Variants in CNTNAP2 observed in about 807,000 individuals in gnomAD.
The protein encoded by CNTNAP2 is contactin-associated protein-like 2.
A neutral mutation model predicts 155.2 loss-of-function variants in CNTNAP2; 98 were observed. That is an observed-to-expected ratio of 0.63 (90% CI 0.54 to 0.75). CNTNAP2 has a LOEUF of 0.75. Among genes scored for constraint, CNTNAP2 ranks in the 30% least tolerant of loss-of-function variants. CNTNAP2 has a pLI of 0.00. For synonymous variants in CNTNAP2, 651 were observed against 631.2 expected, an observed-to-expected ratio of 1.03 and a Z score of -0.47; for missense variants, 1,727 against 1,688.1, an observed-to-expected ratio of 1.02 and a Z score of -0.40.
chr7:148,085,125 A>G (rs1803698028), intron 15 of CNTNAP2, among the ~76,000 whole-genome samples: 1 of 152,228 alleles, frequency 6.6e-6, no homozygotes, highest in South Asian at 2.1e-4. Context: ...TACTAAATGT[A>G]ATATCTAAGT....
At chr7:146,844,264 T>C (rs1395966482) in intron 3 of CNTNAP2, among the ~76,000 whole-genome samples, 11 of 152,106 alleles carry the variant, frequency 7.2e-5, no homozygotes, top group Non-Finnish European at 2.9e-5. Context: ...TCTGAATATT[T>C]AATATTCAAA....
At chr7:147,941,476 A>C (rs1430893215) in intron 14 of CNTNAP2, among the ~76,000 whole-genome samples, 1 of 152,196 alleles carries the variant, frequency 6.6e-6, no homozygotes, top group Non-Finnish European at 1.5e-5. Flanking sequence ...GAGAGCACTC[A>C]CAAAAAAAGT....
intron 1 of CNTNAP2, among the ~76,000 whole-genome samples, chr7:146,249,588 T>A (rs1298457919): frequency 6.6e-6 from 1 of 152,188 alleles, no homozygotes; most frequent in Non-Finnish European, 1.5e-5. Flanking sequence ...TATCACTTAT[T>A]ATGTGCTGCT....
intron 3 of CNTNAP2, among the ~76,000 whole-genome samples, chr7:146,934,418 C>A (rs979711147): frequency 7.0e-5 from 9 of 128,816 alleles, no homozygotes; most frequent in Non-Finnish European, 1.4e-4. Flanking sequence ...AGGAAGGGGA[C>A]CATCACACTC....
intron 19 of CNTNAP2, among the ~76,000 whole-genome samples, chr7:148,221,333 A>G (rs1369859628): frequency 6.6e-6 from 1 of 152,126 alleles, no homozygotes; most frequent in Non-Finnish European, 1.5e-5. Flanking sequence ...GAGTGCATGG[A>G]GGTTGAGTGC....
At chr7:147,578,781 T>G (rs1800445074) in intron 12 of CNTNAP2, among the ~76,000 whole-genome samples, 1 of 152,080 alleles carries the variant, frequency 6.6e-6, no homozygotes, top group South Asian at 2.1e-4. Flanking sequence ...AGAAACCATT[T>G]ATTTAAACAC....
At position 148,419,188 on chromosome 7, in the gene CNTNAP2, AAAC is replaced by A. The variant is rs1275945857; in HGVS notation, c.*3577_*3579del. On this transcript the variant is annotated 3_prime_UTR_variant, in exon 24 of 24. Transcript: ENST00000361727. ...TGGCCCGTTTATGTCTCATGCCTCC[AAAC>A]AACACTGAATTTGAAACCCCCCATT... The A allele has an allele frequency of 1.3e-5, 2 of 152,158 alleles. No individual in the cohort carries two copies. Among genetic ancestry groups the A allele is most frequent in the Non-Finnish European group, 2.9e-5 (2 of 68,036 alleles). The allele number at this position is 152,158 out of a possible 1,614,324, so 9.4% of individuals were successfully genotyped here. A position where few individuals can be genotyped will look rare whatever the true frequency, so the allele number is the denominator to read the frequency against.
chr7:148,170,176 C>T (rs752636865), intron 17 of CNTNAP2, among the ~76,000 whole-genome samples: 2 of 152,148 alleles, frequency 1.3e-5, no homozygotes, highest in South Asian at 4.1e-4. Flanking sequence ...ACCACAATGA[C>T]TATTACATTG....
At chr7:147,798,764 G>A (rs369642202) in intron 13 of CNTNAP2, among the ~76,000 whole-genome samples, 1 of 152,126 alleles carries the variant, frequency 6.6e-6, no homozygotes, top group African/African-American at 2.4e-5. Flanking sequence ...CTGGATGTAG[G>A]GATAAAGGTA....
At chr7:146,157,524 A>C (rs978022196) in intron 1 of CNTNAP2, among the ~76,000 whole-genome samples, 2 of 152,128 alleles carry the variant, frequency 1.3e-5, no homozygotes, top group East Asian at 3.9e-4. Flanking sequence ...GAAAACTGGG[A>C]CACTCCCACT....
At chr7:146,806,334 CA>C (rs111572841) in intron 2 of CNTNAP2, among the ~76,000 whole-genome samples, 847 of 136,156 alleles carry the variant, frequency 6.2e-3, no homozygotes, top group African/African-American at 0.012. Context: ...CTACTAAATA[CA>C]AAAAAAAAAA....
chr7:147,359,972 G>C (rs1269295337), intron 9 of CNTNAP2, among the ~76,000 whole-genome samples: 2 of 151,946 alleles, frequency 1.3e-5, no homozygotes, highest in East Asian at 3.9e-4. Flanking sequence ...AAACGTGAAA[G>C]TTCAAAGAAT....
At chr7:146,487,923 C>T (rs978524076) in intron 1 of CNTNAP2, among the ~76,000 whole-genome samples, 6 of 151,970 alleles carry the variant, frequency 3.9e-5, no homozygotes, top group African/African-American at 1.5e-4. Context: ...CTGTAAGGGA[C>T]ATTAAAGGTT....
chr7:147,942,304 T>C (rs144149457), intron 14 of CNTNAP2, among the ~76,000 whole-genome samples: 51 of 152,324 alleles, frequency 3.3e-4, no homozygotes, highest in African/African-American at 8.9e-4. Flanking sequence ...AATTTCCTAG[T>C]GACATTGGTA....
At position 147,903,688 on chromosome 7, in the gene CNTNAP2, A is replaced by G; in HGVS notation, c.2222A>G (p.Tyr741Cys). Residue 741 changes from tyrosine (Y) to cysteine (C), a missense_variant, in exon 14 of 24, where the codon TAC (tyrosine) becomes TGC (cysteine). Transcript: ENST00000361727. ...GAACGCAACTGCACAGATCCCAAGTACTACTGTAACTGCGACGCGGACTAC... is the reference window on the plus strand; with the variant it reads ...GAACGCAACTGCACAGATCCCAAGTGCTACTGTAACTGCGACGCGGACTAC... The part of the protein sequence containing the change: ...GIERNCTDPK[Y>C]YCNCDADYKQ... 23 of 1,614,006 alleles carry G rather than the reference A, an allele frequency of 1.4e-5. No homozygotes were observed. The highest frequency in any genetic ancestry group is 1.9e-5 in the Non-Finnish European group (23 of 1,179,962).
intron 3 of CNTNAP2, among the ~76,000 whole-genome samples, chr7:146,900,550 T>G (rs989594891): frequency 6.6e-5 from 10 of 152,156 alleles, no homozygotes; most frequent in African/African-American, 2.4e-4. Context: ...CCTTATCCAG[T>G]CAAGCCCTGG....
Position 147,240,058 on chromosome 7 carries a change from A to G in CNTNAP2, c.1349-60083A>G, listed in dbSNP as rs1364372737. Among the ~76,000 whole-genome samples, 3 of 152,192 alleles carry G rather than the reference A, an allele frequency of 2.0e-5. No homozygotes were observed. The East Asian group carries it at 5.8e-4, about 29-fold the overall frequency. ...ACTTCCTAGCCAAGTGATTTTGGAA[A>G]AGCTGATAAACTTTTTATGCCTCAT... On this transcript the variant is annotated intron_variant, in intron 8 of 23. Transcript: ENST00000361727.
At chr7:147,096,945 A>G (rs1800548160) in intron 4 of CNTNAP2, among the ~76,000 whole-genome samples, 2 of 152,194 alleles carry the variant, frequency 1.3e-5, no homozygotes, top group Admixed American at 6.5e-5. Context: ...TTATCTCACA[A>G]CATGTGTACC....
chr7:146,159,694 C>T (rs1426308703), intron 1 of CNTNAP2, among the ~76,000 whole-genome samples: 2 of 152,168 alleles, frequency 1.3e-5, no homozygotes, highest in Non-Finnish European at 2.9e-5. Context: ...AGCTAACTAT[C>T]CTAAATATAT....
Sources: allele counts gnomAD v4.1 joint callset (sites outside exome capture counted in the v4.1 genomes callset), GRCh38; gene constraint gnomAD v4.1.1; transcripts MANE v1.5; gene names NCBI Gene and HGNC (gene_info 2026-07-23, HGNC 2026-07-21).